Variants in CSNK1G1 observed in about 807,000 individuals in gnomAD.
CSNK1G1 encodes casein kinase I isoform gamma-1.
A neutral mutation model predicts 59.6 loss-of-function variants in CSNK1G1; 22 were observed. The ratio of observed to expected loss-of-function variants is 0.37; its 90% CI spans 0.26 to 0.53. CSNK1G1 has a LOEUF of 0.53. CSNK1G1 is among the 20% of genes least tolerant of loss of function. CSNK1G1 has a pLI of 0.89. For synonymous variants in CSNK1G1, 179 were observed against 177.1 expected (o/e 1.01, Z -0.08); for missense variants, 384 against 519.5 (o/e 0.74, Z 2.54).
At chr15:64,226,422 G>C (rs951555838) in intron 4 of CSNK1G1, among the ~76,000 whole-genome samples, 5 of 152,126 alleles carry the variant, frequency 3.3e-5, no homozygotes, top group African/African-American at 1.2e-4. Flanking sequence ...GCTGGGCGTG[G>C]TGGTGCACGC....
At chr15:64,232,017 GTTTTGTTAGTGAAAAC>G (rs2082557376) in intron 4 of CSNK1G1, among the ~76,000 whole-genome samples, 2 of 152,148 alleles carry the variant, frequency 1.3e-5, no homozygotes, top group Non-Finnish European at 2.9e-5. Context: ...GATGTGTAGT[GTTTTGTTAGTGAAAAC>G]TTCATCTCCT....
rs113501657 is a variant in CSNK1G1 at position 64,188,959 on chromosome 15, C to G, written c.1108-8505G>C. On this transcript the variant is annotated intron_variant, in intron 10 of 11. Coordinates refer to ENST00000303052, the MANE Select transcript of CSNK1G1 (RefSeq NM_022048.5). This position sits in a 1 kb window ranked among gnomAD's most constrained non-coding sequence, Gnocchi z 4.2. ...TGACCAACATGGTGAAAGCCTGTCT[C>G]TACTAAAATTACAAAAATGAGCTGG... 0.044 allele frequency among the ~76,000 whole-genome samples: 6,728 copies of G among 152,168 alleles called. 192 individuals carry two copies. The highest frequency in any genetic ancestry group is 0.086 in the South Asian group (416 of 4,824).
At chr15:64,250,001 TG>T (rs1891986671) in intron 4 of CSNK1G1, among the ~76,000 whole-genome samples, 1 of 152,212 alleles carries the variant, frequency 6.6e-6, no homozygotes, top group Non-Finnish European at 1.5e-5. Flanking sequence ...ACCTGACCCT[TG>T]GATTTATGAG....
chr15:64,198,319 C>T (rs1005392079), intron 10 of CSNK1G1, among the ~76,000 whole-genome samples: 14 of 151,544 alleles, frequency 9.2e-5, no homozygotes, highest in Admixed American at 6.6e-5. Context: ...AATTCTCCTG[C>T]CTCAGCCTCC....
At chr15:64,177,028 G>C (rs898167062) in intron 11 of CSNK1G1, among the ~76,000 whole-genome samples, 4 of 152,124 alleles carry the variant, frequency 2.6e-5, no homozygotes, top group African/African-American at 7.2e-5. Flanking sequence ...AAAGCTGCCT[G>C]CCCTCACCAC....
At chr15:64,279,808 C>T (rs1288477387) in intron 2 of CSNK1G1, among the ~76,000 whole-genome samples, 1 of 151,860 alleles carries the variant, frequency 6.6e-6, no homozygotes, top group Non-Finnish European at 1.5e-5. Flanking sequence ...CCCATCTCTA[C>T]TAAAAATACA....
intron 4 of CSNK1G1, among the ~76,000 whole-genome samples, chr15:64,221,567 A>G (rs888466007): frequency 6.6e-6 from 1 of 151,660 alleles, no homozygotes; most frequent in African/African-American, 2.4e-5. Context: ...GTTTTGAAGC[A>G]TTTCTAGGAG....
intron 2 of CSNK1G1, among the ~76,000 whole-genome samples, chr15:64,280,954 A>T (rs1320889858): frequency 6.6e-6 from 1 of 152,036 alleles, no homozygotes; most frequent in Non-Finnish European, 1.5e-5. Flanking sequence ...ATCTTGGCTC[A>T]CTGTAAGCTC....
At chr15:64,186,622 G>A (rs552747727) in intron 10 of CSNK1G1, among the ~76,000 whole-genome samples, 276 of 151,808 alleles carry the variant, frequency 1.8e-3, no homozygotes, top group Non-Finnish European at 3.7e-3. Context: ...CGATCCTCCC[G>A]CCTAAGCCTT....
chr15:64,186,832 CT>C (rs11398558), intron 10 of CSNK1G1, among the ~76,000 whole-genome samples: 4 of 150,836 alleles, frequency 2.7e-5, no homozygotes, highest in South Asian at 4.2e-4. Flanking sequence ...ATTTTTTTCT[CT>C]TTTTTTTTGA....
chr15:64,289,032 G>T (rs12442041), intron 2 of CSNK1G1, among the ~76,000 whole-genome samples: 1 of 151,728 alleles, frequency 6.6e-6, no homozygotes, highest in Non-Finnish European at 1.5e-5. Context: ...AAAATTAGCC[G>T]GCCGTGGTGG....
At chr15:64,220,096 CT>C (rs113389447) in intron 4 of CSNK1G1, among the ~76,000 whole-genome samples, 7,322 of 136,534 alleles carry the variant, frequency 0.054, 187 homozygotes, top group South Asian at 0.086. Context: ...AATAACATAA[CT>C]TTTTTTTTTT....
chr15:64,276,890 T>G (rs1381215246), intron 2 of CSNK1G1, among the ~76,000 whole-genome samples: 1 of 145,590 alleles, frequency 6.9e-6, no homozygotes, highest in Admixed American at 7.2e-5. Flanking sequence ...GAGCTTGCAG[T>G]GAGCCAAGAT....
At chr15:64,173,400 T>G (rs2081699303) in intron 11 of CSNK1G1, among the ~76,000 whole-genome samples, 1 of 152,192 alleles carries the variant, frequency 6.6e-6, no homozygotes, top group South Asian at 2.1e-4. Context: ...AGAGGGTCTT[T>G]GGAAAGATTT....
At position 64,246,967 on chromosome 15, in the gene CSNK1G1, TA is replaced by T. The variant is rs1340440369; in HGVS notation, c.292+4544del. Among the ~76,000 whole-genome samples the T allele has an allele frequency of 3.3e-5, 5 of 152,216 alleles. No individual in the cohort carries two copies. In the East Asian group the frequency reaches 9.7e-4, roughly 29 times the overall value. ...CTGGCTTATTCATCTTCTAGTCAAT[TA>T]ACGAACATATACCACGCTGTTGTCA... On this transcript the variant is annotated intron_variant, in intron 4 of 11. Coordinates refer to ENST00000303052, the MANE Select transcript of CSNK1G1 (RefSeq NM_022048.5).
intron 10 of CSNK1G1, among the ~76,000 whole-genome samples, chr15:64,192,715 C>T (rs539683138): frequency 2.0e-5 from 3 of 151,558 alleles, no homozygotes; most frequent in South Asian, 4.2e-4. Flanking sequence ...AAAAATTAGC[C>T]GGGAGTGGTG....
chr15:64,173,536 G>C (rs1217584592), intron 11 of CSNK1G1, among the ~76,000 whole-genome samples: 2 of 150,832 alleles, frequency 1.3e-5, no homozygotes, highest in Non-Finnish European at 3.0e-5. Context: ...ATTTTTGATT[G>C]TTAAAAATAA....
chr15:64,201,398 T>C (rs62024566), intron 10 of CSNK1G1, among the ~76,000 whole-genome samples: 1 of 151,998 alleles, frequency 6.6e-6, no homozygotes, highest in Non-Finnish European at 1.5e-5. Flanking sequence ...CACTAGCTAT[T>C]AGCTTTTAAA....
intron 4 of CSNK1G1, among the ~76,000 whole-genome samples, chr15:64,226,555 A>AAAACAAAC (rs141730302): frequency 0.019 from 2,849 of 148,378 alleles, 56 homozygotes; most frequent in African/African-American, 0.044. Context: ...ATTCCGTCTC[A>AAAACAAAC]AAACAAACAA....
Sources: gnomAD v4.1 joint callset for allele counts (sites outside exome capture counted in the v4.1 genomes callset) on GRCh38, gnomAD v4.1.1 for gene constraint, Gnocchi (gnomAD v3.1) non-coding constraint, MANE v1.5 for transcripts, NCBI Gene and HGNC (gene_info 2026-07-23, HGNC 2026-07-21) for gene names.